Variants in CENPN observed in about 807,000 individuals in gnomAD.
CENPN encodes the protein interphase centromere complex protein 32.
Under a neutral mutation model 48.6 loss-of-function variants are expected in CENPN, and 36 were observed. The observed-to-expected ratio is 0.74, with a 90% CI of 0.57 to 0.98. CENPN has a LOEUF of 0.98. CENPN is among the 50% of genes least tolerant of loss of function. The pLI is 0.00. For synonymous variants in CENPN, 166 were observed against 135.2 expected, an observed-to-expected ratio of 1.23 and a Z score of -1.58; for missense variants, 439 against 399.2, an observed-to-expected ratio of 1.10 and a Z score of -0.85.
At chr16:81,018,049 A>G (rs771438319) in intron 5 of CENPN, among the ~76,000 whole-genome samples, 7 of 152,132 alleles carry the variant, frequency 4.6e-5, no homozygotes, top group Non-Finnish European at 8.8e-5. Flanking sequence ...CTTTTTCCAG[A>G]GGAGCTCAGT....
In CENPN at chr16:81,028,353, A is replaced by G. The variant is rs970604739; in HGVS notation, c.937+56A>G. 3 of 1,589,640 alleles carry G rather than the reference A, an allele frequency of 1.9e-6. No individual in the cohort carries two copies. The South Asian group carries it at 3.3e-5, about 18-fold the overall frequency. ...AAAATTAACAACATGCCTCCATTCC[A>G]TCCTTATAATCTGCTAATTACTTCT... On this transcript the variant is annotated intron_variant, in intron 10 of 10. Transcript: ENST00000305850.
chr16:81,014,395 T>G (rs796536170), intron 3 of CENPN: 39 of 503,804 alleles, frequency 7.7e-5, no homozygotes, highest in African/African-American at 7.5e-4. Flanking sequence ...CCACCATGTA[T>G]GGCTAATTTT....
intron 6 of CENPN, 142 bp downstream of exon 6, chr16:81,020,418 G>A: frequency 1.3e-6 from 1 of 786,514 alleles, no homozygotes. Context: ...AGCTACTTGG[G>A]AGGCTGAAGT....
intron 1 of CENPN, among the ~76,000 whole-genome samples, chr16:81,008,308 GTTTAA>G (rs1567544847): frequency 6.6e-6 from 1 of 152,150 alleles, no homozygotes; most frequent in Admixed American, 6.5e-5. Context: ...CCTCCTCACA[GTTTAA>G]TTTGATAGGG....
intron 3 of CENPN, among the ~76,000 whole-genome samples, chr16:81,016,242 G>C (rs903922086): frequency 2.0e-5 from 3 of 151,974 alleles, no homozygotes; most frequent in Non-Finnish European, 2.9e-5. Context: ...GTGTGGTGGT[G>C]TGGGACACTT....
chr16:81,015,030 A>G (rs985356493), intron 3 of CENPN, among the ~76,000 whole-genome samples: 2 of 152,206 alleles, frequency 1.3e-5, no homozygotes, highest in Admixed American at 6.5e-5. Flanking sequence ...GCTAAGATAT[A>G]TGAAGGTTAG....
At position 81,015,029 on chromosome 16, in the gene CENPN, T is replaced by C. The variant is rs544713065; in HGVS notation, c.217+848T>C. ...AGGTAGGCTGGGCTAAGCTAAGATA[T>C]ATGAAGGTTAGGTGAATTATTTTCA... On this transcript the variant is annotated intron_variant, in intron 3 of 10. Coordinates refer to ENST00000305850, the MANE Select transcript of CENPN (RefSeq NM_001100624.3). 2.3e-4 allele frequency among the ~76,000 whole-genome samples: 35 copies of C among 152,338 alleles called. No homozygotes were observed. The South Asian group carries it at 6.6e-3, about 29-fold the overall frequency.
In CENPN at chr16:81,030,179, AC is replaced by A; in HGVS notation, c.*1529del. The A allele has an allele frequency of 2.0e-6, 2 of 985,036 alleles. No individual in the cohort carries two copies. Among genetic ancestry groups the A allele is most frequent in the Non-Finnish European group, 2.4e-6 (2 of 829,558 alleles). 61.0% of individuals were successfully genotyped at this position (985,036 alleles called of 1,614,324 possible). ...GGGGGTTATTACAATTCAAGGTGAC[AC>A]TTGTGTGGAGACACAGCCAAACCAT... On this transcript the variant is annotated 3_prime_UTR_variant, in exon 11 of 11. Transcript: ENST00000305850.
At chr16:81,016,984 G>A (rs1263129215) in intron 3 of CENPN, 1 of 251,602 alleles carries the variant, frequency 4.0e-6, no homozygotes, top group Non-Finnish European at 7.6e-6. Flanking sequence ...TGGCTCAAAT[G>A]TGGGTCCTGT....
downstream of CENPN, chr16:81,032,807 T>C (rs2151729245): frequency 8.5e-7 from 1 of 1,177,622 alleles, no homozygotes; most frequent in Admixed American, 2.4e-5. Flanking sequence ...AAATGGACCC[T>C]TTGTTACTCA....
chr16:81,016,701 G>T (rs542117652), intron 3 of CENPN: 1 of 152,686 alleles, frequency 6.5e-6, no homozygotes, highest in African/African-American at 2.4e-5. Flanking sequence ...GGCACAGGTT[G>T]CAGTGAGCTG....
intron 1 of CENPN, 148 bp downstream of exon 1, chr16:81,007,425 G>C (rs1969468986): frequency 6.6e-6 from 1 of 152,244 alleles, no homozygotes; most frequent in Admixed American, 6.5e-5. Flanking sequence ...CTCGGGGCGA[G>C]GAACTACGGT....
intron 5 of CENPN, 63 bp from the exon 6 acceptor site, chr16:81,020,037 G>A (rs1368216264): frequency 3.4e-6 from 5 of 1,459,162 alleles, no homozygotes; most frequent in Non-Finnish European, 4.7e-6. Context: ...TAAGCACCTG[G>A]AGTTGGTGCC....
chr16:81,018,738 A>C (rs920522417), intron 5 of CENPN, among the ~76,000 whole-genome samples: 7 of 152,196 alleles, frequency 4.6e-5, no homozygotes, highest in Non-Finnish European at 8.8e-5. Flanking sequence ...CATACCCTGG[A>C]CTGGGGAGAC....
Position 81,026,593 on chromosome 16 carries a change from A to G in CENPN, c.765A>G (p.Thr255=). 6.2e-7 allele frequency: 1 copy of G among 1,606,202 alleles called. No individual in the cohort carries two copies. The highest frequency in any genetic ancestry group is 8.5e-7 in the Non-Finnish European group (1 of 1,174,280). Residue 255 remains threonine (T), a synonymous_variant, in exon 9 of 11, where the codon ACA becomes ACG. Coordinates refer to ENST00000305850, the MANE Select transcript of CENPN (RefSeq NM_001100624.3). ...GAGTCCAACGAATAACTCAAGAAAC[A>G]TTTGGAGATTATCCTCAACCACAAC... ...KERVQRITQE[T]FGDYPQPQLE...
chr16:81,021,436 T>C (rs756690732), intron 6 of CENPN, among the ~76,000 whole-genome samples: 164 of 152,226 alleles, frequency 1.1e-3, no homozygotes, highest in Non-Finnish European at 1.8e-3. Flanking sequence ...CAGCTGGTTG[T>C]AGGCGAGCAG....
At chr16:81,008,810 T>C (rs940058431) in intron 1 of CENPN, among the ~76,000 whole-genome samples, 1 of 152,204 alleles carries the variant, frequency 6.6e-6, no homozygotes, top group African/African-American at 2.4e-5. Context: ...GCAGTTCTGG[T>C]CTAGGAGTAT....
chr16:81,016,799 AC>A (rs1429456171), intron 3 of CENPN: 2 of 156,756 alleles, frequency 1.3e-5, no homozygotes, highest in African/African-American at 4.8e-5. Context: ...ATACATACAT[AC>A]ATACATAATG....
intron 1 of CENPN, among the ~76,000 whole-genome samples, chr16:81,008,892 C>T (rs1374972822): frequency 6.6e-6 from 1 of 152,224 alleles, no homozygotes; most frequent in African/African-American, 2.4e-5. Context: ...AAGATAATTT[C>T]AGATAGTTCT....
Sources: allele counts gnomAD v4.1 joint callset (sites outside exome capture counted in the v4.1 genomes callset), GRCh38; gene constraint gnomAD v4.1.1; transcripts MANE v1.5; gene names NCBI Gene and HGNC (gene_info 2026-07-23, HGNC 2026-07-21).